The following EYA4 variants were observed in gnomAD, a reference collection of about 807,000 sequenced individuals.
The protein encoded by EYA4 is protein phosphatase EYA4.
A neutral mutation model predicts 87.9 loss-of-function variants in EYA4; 31 were observed. The observed-to-expected ratio is 0.35, with a 90% CI of 0.27 to 0.48. The LOEUF (loss-of-function observed/expected upper bound fraction) is 0.48. EYA4 is among the 20% of genes least tolerant of loss of function. EYA4 has a pLI of 0.99. For synonymous variants in EYA4, 263 were observed against 270.6 expected, an observed-to-expected ratio of 0.97 and a Z score of 0.28; for missense variants, 678 against 761.4, an observed-to-expected ratio of 0.89 and a Z score of 1.29.
At chr6:133,488,902 A>G (rs1796905756) in intron 13 of EYA4, among the ~76,000 whole-genome samples, 1 of 152,196 alleles carries the variant, frequency 6.6e-6, no homozygotes, top group Non-Finnish European at 1.5e-5. Flanking sequence ...GGAAAACATG[A>G]CATCACCAAA....
intron 3 of EYA4, among the ~76,000 whole-genome samples, chr6:133,404,354 A>G (rs1313331894): frequency 6.6e-6 from 1 of 152,226 alleles, no homozygotes; most frequent in Non-Finnish European, 1.5e-5. Context: ...ATTCACACTC[A>G]TTCAGCCAGT....
intron 3 of EYA4, among the ~76,000 whole-genome samples, chr6:133,425,042 A>T (rs1476012377): frequency 6.6e-6 from 1 of 150,800 alleles, no homozygotes; most frequent in Non-Finnish European, 1.5e-5. Context: ...TCAATGGGTC[A>T]TTCCTTTTAT....
rs551348834 is a variant in EYA4, at chr6:133,461,865, T to C, written c.438-470T>C. On this transcript the variant is annotated intron_variant, in intron 7 of 19. Coordinates refer to ENST00000355286, the MANE Select transcript of EYA4 (RefSeq NM_004100.5). The stretch of plus-strand genomic sequence containing the variant: ...CTACCTTTCTTTTTCTTTTTTTAAA[T>C]TTCCAATTCTTGGGAGCGAATTCTT... Among the ~76,000 whole-genome samples, 60 of 151,158 alleles carry C rather than the reference T, an allele frequency of 4.0e-4. 1 individual carries two copies. The highest frequency in any genetic ancestry group is 5.9e-4 in the Admixed American group (9 of 15,134).
intron 2 of EYA4, among the ~76,000 whole-genome samples, chr6:133,280,506 C>G (rs6940510): frequency 6.6e-6 from 1 of 151,992 alleles, no homozygotes; most frequent in African/African-American, 2.4e-5. Context: ...AAGTGATTCT[C>G]CTGCCTCAGC....
intron 13 of EYA4, among the ~76,000 whole-genome samples, chr6:133,495,260 C>A (rs1797540139): frequency 6.6e-6 from 1 of 151,302 alleles, no homozygotes; most frequent in Non-Finnish European, 1.5e-5. Context: ...CAGAGTGAGA[C>A]TCTGTCTCAA....
chr6:133,353,060 G>GT (rs1307334306), intron 2 of EYA4, among the ~76,000 whole-genome samples: 1 of 152,100 alleles, frequency 6.6e-6, no homozygotes, highest in East Asian at 1.9e-4. Flanking sequence ...ACTGTGGGTA[G>GT]TAATTTCTTT....
chr6:133,502,251 AC>A (rs1251863257), intron 13 of EYA4: 1 of 152,104 alleles, frequency 6.6e-6, no homozygotes, highest in Non-Finnish European at 1.5e-5. Flanking sequence ...CTTCCACAAA[AC>A]CCTGTTAGTG....
chr6:133,430,041 C>G (rs1247219227), intron 3 of EYA4, among the ~76,000 whole-genome samples: 1 of 152,082 alleles, frequency 6.6e-6, no homozygotes, highest in East Asian at 1.9e-4. Context: ...TCGATTAGTC[C>G]CTAGTGTCTA....
intron 3 of EYA4, among the ~76,000 whole-genome samples, chr6:133,429,357 A>T (rs937484594): frequency 6.6e-6 from 1 of 152,242 alleles, no homozygotes; most frequent in Non-Finnish European, 1.5e-5. Flanking sequence ...CTACAGAAGC[A>T]TTAGTAAGCT....
At chr6:133,429,852 GTTTTC>G (rs994821682) in intron 3 of EYA4, among the ~76,000 whole-genome samples, 4 of 152,088 alleles carry the variant, frequency 2.6e-5, no homozygotes, top group African/African-American at 9.7e-5. Context: ...TTTTTCTTCA[GTTTTC>G]TTTTATTTTA....
intron 11 of EYA4, among the ~76,000 whole-genome samples, chr6:133,477,889 G>C (rs1447050595): frequency 4.0e-5 from 6 of 151,628 alleles, no homozygotes; most frequent in African/African-American, 1.5e-4. Context: ...AAAGAGCTTT[G>C]ACAAATCAAT....
intron 7 of EYA4, 72 bp downstream of exon 7, chr6:133,461,252 A>G: frequency 1.9e-6 from 2 of 1,071,392 alleles, no homozygotes; most frequent in Non-Finnish European, 2.9e-6. Flanking sequence ...AGATGGTTGG[A>G]TAATACTTGG....
At position 133,529,055 on chromosome 6, in the gene EYA4, G is replaced by A. The variant is rs1800852557; in HGVS notation, c.*250G>A. On this transcript the variant is annotated 3_prime_UTR_variant, in exon 20 of 20. Transcript: ENST00000355286. ...TTTTAAAAATCTGTGGAGGTTGCTG[G>A]TACACACCAAATGAGTCCAAACTGG... is the stretch of plus-strand genomic sequence containing the variant. 1.6e-6 allele frequency: 2 copies of A among 1,266,736 alleles called. No individual in the cohort carries two copies. Among genetic ancestry groups the A allele is most frequent in the Non-Finnish European group, 2.0e-6 (2 of 994,880 alleles). The allele number at this position is 1,266,736 out of a possible 1,614,324, so 78.5% of individuals were successfully genotyped here.
chr6:133,463,394 C>G (rs889407450), intron 9 of EYA4, among the ~76,000 whole-genome samples: 2 of 131,310 alleles, frequency 1.5e-5, no homozygotes, highest in Non-Finnish European at 3.1e-5. Context: ...CAGTCTCGCT[C>G]TGTTGCCCAG....
chr6:133,310,864 C>T (rs1159455814), intron 2 of EYA4, among the ~76,000 whole-genome samples: 1 of 152,110 alleles, frequency 6.6e-6, no homozygotes, highest in Non-Finnish European at 1.5e-5. Context: ...GAAACAACTT[C>T]GTGTGTTATG....
intron 2 of EYA4, among the ~76,000 whole-genome samples, chr6:133,378,942 T>TGC: frequency 6.6e-6 from 1 of 151,758 alleles, no homozygotes; most frequent in Admixed American, 6.6e-5. Flanking sequence ...TGTGTGTGTG[T>TGC]GTGTGTGTGT....
intron 3 of EYA4, among the ~76,000 whole-genome samples, chr6:133,424,559 G>A (rs1447170602): frequency 1.3e-5 from 2 of 152,138 alleles, no homozygotes; most frequent in African/African-American, 4.8e-5. Flanking sequence ...GGCACCGTGG[G>A]TGCCAGTGGC....
intron 1 of EYA4, chr6:133,248,891 GT>G (rs1223315443): frequency 1.3e-5 from 2 of 148,650 alleles, no homozygotes; most frequent in Non-Finnish European, 3.0e-5. Flanking sequence ...TTGTTTGTTT[GT>G]TTTTGCATTA....
At chr6:133,325,763 G>A (rs1015498686) in intron 2 of EYA4, among the ~76,000 whole-genome samples, 9 of 152,172 alleles carry the variant, frequency 5.9e-5, no homozygotes, top group African/African-American at 1.9e-4. Flanking sequence ...ATAGAGCCAT[G>A]GCTGCAGTTA....
Sources: allele counts gnomAD v4.1 joint callset (sites outside exome capture counted in the v4.1 genomes callset), GRCh38; gene constraint gnomAD v4.1.1; transcripts MANE v1.5; gene names NCBI Gene and HGNC (gene_info 2026-07-23, HGNC 2026-07-21).